Variants in SLC1A1 observed in about 807,000 individuals in gnomAD.
The protein encoded by SLC1A1 is solute carrier family 1 member 1, also known as excitatory amino acid transporter 3.
A neutral mutation model predicts 53.3 loss-of-function variants in SLC1A1; 43 were observed. The ratio of observed to expected loss-of-function variants is 0.81; its 90% CI spans 0.63 to 1.04. SLC1A1 has a LOEUF of 1.04. SLC1A1 is among the 50% of genes least tolerant of loss of function. The pLI is 0.00. For missense variants in SLC1A1, 748 were observed against 664.9 expected (o/e 1.12, Z -1.37); for synonymous variants, 307 against 243.2 (o/e 1.26, Z -2.44).
At chr9:4,499,126 C>T (rs1261459679) in intron 1 of SLC1A1, among the ~76,000 whole-genome samples, 1 of 149,974 alleles carries the variant, frequency 6.7e-6, no homozygotes, top group African/African-American at 2.5e-5. Context: ...CTCACTGCAA[C>T]CCCTGCCTCC....
chr9:4,585,757 G>A lies in SLC1A1; in HGVS notation c.*199G>A, dbSNP rs1821528295. ...GGATTTGGGTGTGGGGTAAGTTGAAGGGAAATCAATTTAAAGGAAAGTTCT... is the reference window on the plus strand; with the variant it reads ...GGATTTGGGTGTGGGGTAAGTTGAAAGGAAATCAATTTAAAGGAAAGTTCT... On this transcript the variant is annotated 3_prime_UTR_variant, in exon 12 of 12. Coordinates refer to ENST00000262352, the MANE Select transcript of SLC1A1 (RefSeq NM_004170.6). The A allele has an allele frequency of 2.4e-5, 15 of 629,302 alleles. 1 individual carries two copies. The highest frequency in any genetic ancestry group is 5.9e-5 in the South Asian group (3 of 50,602). 39.0% of individuals were successfully genotyped at this position (629,302 alleles called of 1,614,324 possible). A position where few individuals can be genotyped will look rare whatever the true frequency, so the allele number is the denominator to read the frequency against.
At chr9:4,500,027 C>A (rs950565640) in intron 1 of SLC1A1, among the ~76,000 whole-genome samples, 1 of 152,154 alleles carries the variant, frequency 6.6e-6, no homozygotes, top group Admixed American at 6.5e-5. Flanking sequence ...AAGCTTTCCA[C>A]ATTAATTGCT....
rs570725845 is a variant in SLC1A1 at position 4,533,861 on chromosome 9, C to G, written c.92-10706C>G. Among the ~76,000 whole-genome samples, 352 of 152,324 alleles carry G rather than the reference C, an allele frequency of 2.3e-3. 2 individuals are homozygous for G. The highest frequency in any genetic ancestry group is 8.2e-3 in the African/African-American group (342 of 41,576). On this transcript the variant is annotated intron_variant, in intron 1 of 11. Coordinates refer to ENST00000262352, the MANE Select transcript of SLC1A1 (RefSeq NM_004170.6). ...GAACAGAAATTATAACAAACTGTCTCTCAGACCACAGTGCAATCAAACTAG... is the reference window on the plus strand; with the variant it reads ...GAACAGAAATTATAACAAACTGTCTGTCAGACCACAGTGCAATCAAACTAG...
At chr9:4,547,898 C>T (rs1169622036) in intron 2 of SLC1A1, among the ~76,000 whole-genome samples, 1 of 151,300 alleles carries the variant, frequency 6.6e-6, no homozygotes. Flanking sequence ...GGAACATTCC[C>T]AATACAGTAT....
chr9:4,552,629 A>G (rs559799006), intron 2 of SLC1A1, among the ~76,000 whole-genome samples: 1 of 152,210 alleles, frequency 6.6e-6, no homozygotes, highest in Non-Finnish European at 1.5e-5. Flanking sequence ...GGACACCTGA[A>G]TAAGTATCCA....
intron 1 of SLC1A1, among the ~76,000 whole-genome samples, chr9:4,498,162 C>G (rs527820339): frequency 1.3e-5 from 2 of 152,132 alleles, no homozygotes; most frequent in East Asian, 1.9e-4. Flanking sequence ...GCCAGAGGAA[C>G]TCTTCTGTAA....
chr9:4,583,301 C>A lies in SLC1A1; in HGVS notation c.1328+129C>A. 1.7e-6 allele frequency: 2 copies of A among 1,204,588 alleles called. No homozygotes were observed. The highest frequency in any genetic ancestry group is 2.4e-6 in the Non-Finnish European group (2 of 817,090). 74.6% of individuals were successfully genotyped at this position (1,204,588 alleles called of 1,614,324 possible). On this transcript the variant is annotated intron_variant, in intron 11 of 11. Coordinates refer to ENST00000262352, the MANE Select transcript of SLC1A1 (RefSeq NM_004170.6). This position sits in a 1 kb window ranked among gnomAD's most constrained non-coding sequence, Gnocchi z 4.6. ...AGCCACCTGTTGCTGCTTTAATTTT[C>A]CTCTGACCAGGCCATCTGATAACAT...
intron 10 of SLC1A1, among the ~76,000 whole-genome samples, chr9:4,582,203 T>G (rs776211648): frequency 1.3e-5 from 2 of 152,124 alleles, no homozygotes; most frequent in Non-Finnish European, 2.9e-5. Context: ...AGACTGCACA[T>G]TACAAAGAAA....
At chr9:4,551,651 G>T (rs1817940517) in intron 2 of SLC1A1, among the ~76,000 whole-genome samples, 1 of 152,174 alleles carries the variant, frequency 6.6e-6, no homozygotes, top group Non-Finnish European at 1.5e-5. Flanking sequence ...TAGTTTCTAT[G>T]AAAATTGCCA....
chr9:4,510,480 CAT>C (rs1200417432), intron 1 of SLC1A1, among the ~76,000 whole-genome samples: 3 of 152,152 alleles, frequency 2.0e-5, no homozygotes, highest in Admixed American at 6.5e-5. Flanking sequence ...GCGGGGGTGA[CAT>C]ATAAAATTTA....
chr9:4,505,910 G>C (rs1377914015), intron 1 of SLC1A1, among the ~76,000 whole-genome samples: 2 of 152,136 alleles, frequency 1.3e-5, no homozygotes, highest in Non-Finnish European at 2.9e-5. Context: ...TGCAACCTCC[G>C]CCTTCCGAGT....
In SLC1A1 at chr9:4,526,557, T is replaced by C. The variant is rs191493016; in HGVS notation, c.92-18010T>C. ...GGATGCAATGGACCCTCAACCATAA[T>C]GTTTTATTTGGAAAAAAAGATCTGT... On this transcript the variant is annotated intron_variant, in intron 1 of 11. Coordinates refer to ENST00000262352, the MANE Select transcript of SLC1A1 (RefSeq NM_004170.6). Among the ~76,000 whole-genome samples, 264 of 152,326 alleles carry C rather than the reference T, an allele frequency of 1.7e-3. 1 individual carries two copies. Among genetic ancestry groups the C allele is most frequent in the African/African-American group, 6.1e-3 (255 of 41,574 alleles).
chr9:4,542,276 T>C (rs1445652846), intron 1 of SLC1A1, among the ~76,000 whole-genome samples: 2 of 152,180 alleles, frequency 1.3e-5, no homozygotes, highest in African/African-American at 4.8e-5. Context: ...AAAGTTGTAA[T>C]TGCCAAATAC....
intron 9 of SLC1A1, 99 bp from the exon 10 acceptor site, chr9:4,576,470 G>T: frequency 2.1e-6 from 2 of 960,076 alleles, no homozygotes; most frequent in East Asian, 2.4e-5. Flanking sequence ...TTACCTAAAA[G>T]GACCCTTTGT....
At chr9:4,558,293 C>A (rs1161545659) in intron 2 of SLC1A1, among the ~76,000 whole-genome samples, 1 of 152,150 alleles carries the variant, frequency 6.6e-6, no homozygotes, top group African/African-American at 2.4e-5. Context: ...GCTCTGCCCC[C>A]ATGTTGATGA....
rs369054560 is a variant in SLC1A1, at chr9:4,512,866, G to A, written c.91+22096G>A. ...TGCAGCCTTGAACTCCTGGGCTCAAGAAGTCCTCCTGCTTCAGACTCTCAA... is the reference window on the plus strand; with the variant it reads ...TGCAGCCTTGAACTCCTGGGCTCAAAAAGTCCTCCTGCTTCAGACTCTCAA... On this transcript the variant is annotated intron_variant, in intron 1 of 11. Transcript: ENST00000262352. 3.9e-5 allele frequency among the ~76,000 whole-genome samples: 6 copies of A among 152,228 alleles called. No individual in the cohort carries two copies. In the East Asian group the frequency reaches 1.2e-3, roughly 29 times the overall value.
intron 1 of SLC1A1, among the ~76,000 whole-genome samples, chr9:4,508,625 C>G (rs140601877): frequency 6.6e-6 from 1 of 152,308 alleles, no homozygotes; most frequent in African/African-American, 2.4e-5. Context: ...CTGTTTATGA[C>G]ACACTTCTGG....
Position 4,576,642 on chromosome 9 carries a change from G to T in SLC1A1, c.1072G>T (p.Val358Leu), listed in dbSNP as rs376223134. ...NQVDKRITRFVLPVGATINMD... is the reference protein window; with the variant it reads ...NQVDKRITRFLLPVGATINMD... ...GGTGGACAAGAGGATCACTCGATTC[G>T]TGTTACCCGTTGGTGCAACAATCAA... is the stretch of plus-strand genomic sequence containing the variant. The change falls in exon 10 of 12, where the codon GTG becomes TTG. Residue 358 changes from valine to leucine, a missense_variant. By Grantham distance (32) the Val-to-Leu change is conservative (BLOSUM62 1). Coordinates refer to ENST00000262352, the MANE Select transcript of SLC1A1 (RefSeq NM_004170.6). The T allele has an allele frequency of 1.2e-6, 2 of 1,614,130 alleles. No homozygotes were observed. Among genetic ancestry groups the T allele is most frequent in the East Asian group, 4.5e-5 (2 of 44,880 alleles).
intron 3 of SLC1A1, among the ~76,000 whole-genome samples, chr9:4,562,929 G>T (rs946030832): frequency 1.4e-5 from 2 of 146,276 alleles, no homozygotes; most frequent in Admixed American, 1.4e-4. Flanking sequence ...TAGATCACAT[G>T]GACACAGGAA....
Sources: gnomAD v4.1 joint callset for allele counts (sites outside exome capture counted in the v4.1 genomes callset) on GRCh38, gnomAD v4.1.1 for gene constraint, Gnocchi (gnomAD v3.1) non-coding constraint, MANE v1.5 for transcripts, NCBI Gene and HGNC (gene_info 2026-07-23, HGNC 2026-07-21) for gene names.